The following MAPRE2 variants were observed in gnomAD, a reference collection of about 807,000 sequenced individuals.
The protein encoded by MAPRE2 is microtubule associated protein RP/EB family member 2, also known as microtubule-associated protein RP/EB family member 2.
MAPRE2 carries 13 observed loss-of-function variants against 43.2 expected under a neutral mutation model. The observed-to-expected ratio is 0.30, with a 90% CI of 0.20 to 0.48. The LOEUF is 0.48. Among genes scored for constraint, MAPRE2 ranks in the 20% least tolerant of loss-of-function variants. The pLI, the probability that MAPRE2 is intolerant of heterozygous loss-of-function variation, is 0.99. For missense variants in MAPRE2, 161 were observed against 400.2 expected (o/e 0.40, Z 5.10); for synonymous variants, 135 against 148.8 (o/e 0.91, Z 0.68).
intron 2 of MAPRE2, among the ~76,000 whole-genome samples, chr18:35,023,373 G>A (rs1378647526): frequency 1.3e-5 from 2 of 151,826 alleles, no homozygotes; most frequent in Non-Finnish European, 2.9e-5. Flanking sequence ...TTAGCCAGGT[G>A]TGGTGGCAGG....
intron 2 of MAPRE2, among the ~76,000 whole-genome samples, chr18:35,077,315 G>A (rs16966414): frequency 0.029 from 4,367 of 152,108 alleles, 201 homozygotes; most frequent in African/African-American, 0.1. Flanking sequence ...AGTACCATTA[G>A]TGGGAATCTC....
At chr18:35,013,222 C>G (rs1446369254) in intron 2 of MAPRE2, among the ~76,000 whole-genome samples, 1 of 151,924 alleles carries the variant, frequency 6.6e-6, no homozygotes, top group African/African-American at 2.4e-5. Context: ...TTTAGATAAC[C>G]CTTAAGATAC....
chr18:34,990,419 G>A (rs902942759), intron 1 of MAPRE2, among the ~76,000 whole-genome samples: 1 of 152,272 alleles, frequency 6.6e-6, no homozygotes, highest in Admixed American at 6.5e-5. Flanking sequence ...AGAGGGTAAG[G>A]AACACTAGGA....
chr18:35,068,647 A>T (rs1198502278), intron 1 of MAPRE2, among the ~76,000 whole-genome samples: 2 of 152,330 alleles, frequency 1.3e-5, no homozygotes, highest in East Asian at 3.9e-4. Flanking sequence ...TTCCTCGATG[A>T]CCTGTATCTC....
chr18:34,981,887 A>ATTTTTTTTTTT (rs1261290510), intron 1 of MAPRE2, among the ~76,000 whole-genome samples: 1 of 34,782 alleles, frequency 2.9e-5, no homozygotes, highest in African/African-American at 5.9e-5. Flanking sequence ...ATTTTTATTT[A>ATTTTTTTTTTT]TTTTTTTTTT....
At chr18:35,019,909 AAAT>A (rs2097040869) in intron 2 of MAPRE2, among the ~76,000 whole-genome samples, 1 of 152,034 alleles carries the variant, frequency 6.6e-6, no homozygotes, top group Non-Finnish European at 1.5e-5. Flanking sequence ...TTTGCTTTCC[AAAT>A]AATAATATTC....
At chr18:35,035,897 G>C (rs1238116295) in intron 2 of MAPRE2, among the ~76,000 whole-genome samples, 1 of 135,184 alleles carries the variant, frequency 7.4e-6, no homozygotes, top group Non-Finnish European at 1.6e-5. Context: ...ATGACCACCT[G>C]TTACGTAACT....
At chr18:34,989,546 C>T (rs1478909225) in intron 1 of MAPRE2, among the ~76,000 whole-genome samples, 1 of 152,032 alleles carries the variant, frequency 6.6e-6, no homozygotes, top group Non-Finnish European at 1.5e-5. Context: ...CCTATGTTTA[C>T]CAAAAAATTT....
chr18:35,025,853 C>T (rs1412358702), intron 2 of MAPRE2, among the ~76,000 whole-genome samples: 1 of 152,176 alleles, frequency 6.6e-6, no homozygotes, highest in Non-Finnish European at 1.5e-5. Flanking sequence ...ACAGAGGAAG[C>T]TTTGCTTATG....
At chr18:35,048,293 TGACCCA>T (rs747432927) in intron 1 of MAPRE2, among the ~76,000 whole-genome samples, 4 of 152,132 alleles carry the variant, frequency 2.6e-5, no homozygotes, top group African/African-American at 4.8e-5. Flanking sequence ...CCCGACCCCA[TGACCCA>T]AACACCTCCT....
At chr18:35,026,812 C>T (rs905068515) in intron 2 of MAPRE2, among the ~76,000 whole-genome samples, 11 of 152,166 alleles carry the variant, frequency 7.2e-5, no homozygotes, top group Non-Finnish European at 1.5e-4. Context: ...TTCCCATGGG[C>T]ATGGCTGGGG....
At chr18:34,992,482 C>A (rs533976949) in intron 1 of MAPRE2, among the ~76,000 whole-genome samples, 1 of 152,206 alleles carries the variant, frequency 6.6e-6, no homozygotes, top group Non-Finnish European at 1.5e-5. Flanking sequence ...ACTCAATTCA[C>A]TTTTGTGACC....
chr18:35,104,846 G>A (rs905599378), intron 4 of MAPRE2, among the ~76,000 whole-genome samples: 1 of 152,062 alleles, frequency 6.6e-6, no homozygotes, highest in Non-Finnish European at 1.5e-5. Context: ...AAAAAGCTAA[G>A]AAAATCAAGG....
Position 35,098,693 on chromosome 18 carries a change from C to A in MAPRE2, c.396+1102C>A, listed in dbSNP as rs1603400784. 2.0e-5 allele frequency among the ~76,000 whole-genome samples: 3 copies of A among 152,208 alleles called. No homozygotes were observed. The East Asian group carries it at 5.8e-4, about 29-fold the overall frequency. On this transcript the variant is annotated intron_variant, in intron 3 of 6. Coordinates refer to ENST00000300249, the MANE Select transcript of MAPRE2 (RefSeq NM_014268.4). ...ATAGGTTCTCCTTACTTTTATAATACCTCTTGTGTCTTTTTCATTCATTTC... is the reference window on the plus strand; with the variant it reads ...ATAGGTTCTCCTTACTTTTATAATAACTCTTGTGTCTTTTTCATTCATTTC...
At chr18:35,052,998 A>G (rs1906024240) in intron 1 of MAPRE2, among the ~76,000 whole-genome samples, 1 of 120,628 alleles carries the variant, frequency 8.3e-6, no homozygotes, top group Non-Finnish European at 1.8e-5. Flanking sequence ...ACTTGAATAT[A>G]AAGTCCCCCC....
intron 4 of MAPRE2, among the ~76,000 whole-genome samples, chr18:35,119,899 A>G (rs1909596194): frequency 6.6e-6 from 1 of 152,164 alleles, no homozygotes; most frequent in Non-Finnish European, 1.5e-5. Flanking sequence ...CTTTTGCATC[A>G]TTTGTTGAAT....
intron 1 of MAPRE2, among the ~76,000 whole-genome samples, chr18:35,003,833 G>C (rs1324698425): frequency 6.6e-6 from 1 of 152,178 alleles, no homozygotes; most frequent in Non-Finnish European, 1.5e-5. Flanking sequence ...GTTAAAATCT[G>C]AATTTAGGTT....
intron 2 of MAPRE2, among the ~76,000 whole-genome samples, chr18:35,010,410 A>T (rs575606579): frequency 1.3e-5 from 2 of 152,198 alleles, no homozygotes; most frequent in Non-Finnish European, 2.9e-5. Flanking sequence ...TGACCTCACT[A>T]AGCTCCACTC....
chr18:35,133,704 C>G (rs1182253096), intron 6 of MAPRE2, among the ~76,000 whole-genome samples: 3 of 152,106 alleles, frequency 2.0e-5, no homozygotes, highest in African/African-American at 7.2e-5. Flanking sequence ...AGATTTTGTC[C>G]CAAGAGGGAG....
Sources: allele counts gnomAD v4.1 joint callset (sites outside exome capture counted in the v4.1 genomes callset), GRCh38; gene constraint gnomAD v4.1.1; transcripts MANE v1.5; gene names NCBI Gene and HGNC (gene_info 2026-07-23, HGNC 2026-07-21).